ZDHHC14: variants seen among roughly 807,000 people sequenced by gnomAD.
ZDHHC14 encodes the protein palmitoyltransferase ZDHHC14.
Under a neutral mutation model 47.7 loss-of-function variants are expected in ZDHHC14, and 16 were observed. That is an observed-to-expected ratio of 0.34 (90% CI 0.23 to 0.51). The LOEUF is 0.51. Among genes scored for constraint, ZDHHC14 ranks in the 20% least tolerant of loss-of-function variants. The pLI is 0.97. For missense variants in ZDHHC14, 515 were observed against 662.5 expected (o/e 0.78, Z 2.44); for synonymous variants, 293 against 278.9 (o/e 1.05, Z -0.50).
chr6:157,623,420 A>T (rs1473808249), intron 3 of ZDHHC14, among the ~76,000 whole-genome samples: 1 of 151,952 alleles, frequency 6.6e-6, no homozygotes, highest in Non-Finnish European at 1.5e-5. Flanking sequence ...CACCATGATT[A>T]TAAGTTTCCT....
rs926030064 is a variant in ZDHHC14, at chr6:157,381,416, C to A, written c.-606C>A. On this transcript the variant is annotated 5_prime_UTR_variant, in exon 1 of 9. Coordinates refer to ENST00000359775, the MANE Select transcript of ZDHHC14 (RefSeq NM_024630.3). ...GCGCCCCGGCTCTCGCCGAGAGGCTCCTGACAGAAAAACGTGCGTGGTTGT... is the reference window on the plus strand; with the variant it reads ...GCGCCCCGGCTCTCGCCGAGAGGCTACTGACAGAAAAACGTGCGTGGTTGT... The A allele has an allele frequency of 9.4e-4, 229 of 244,312 alleles. No homozygotes were observed. The highest frequency in any genetic ancestry group is 5.0e-3 in the African/African-American group (215 of 42,594). 15.1% of individuals were successfully genotyped at this position (244,312 alleles called of 1,614,324 possible).
chr6:157,571,955 A>G (rs1783116532), intron 2 of ZDHHC14, among the ~76,000 whole-genome samples: 1 of 151,988 alleles, frequency 6.6e-6, no homozygotes, highest in Non-Finnish European at 1.5e-5. Context: ...ACGTGCATCC[A>G]AATCCAAATT....
intron 1 of ZDHHC14, among the ~76,000 whole-genome samples, chr6:157,451,487 T>G (rs969170359): frequency 6.6e-6 from 1 of 152,254 alleles, no homozygotes; most frequent in Non-Finnish European, 1.5e-5. Context: ...TAACATTTAT[T>G]TATTCAGTAA....
intron 2 of ZDHHC14, among the ~76,000 whole-genome samples, chr6:157,580,399 T>C (rs1159408965): frequency 6.6e-6 from 1 of 152,222 alleles, no homozygotes. Context: ...ATCAGGATGA[T>C]GCTGGCCTCA....
At chr6:157,428,572 C>T (rs1488754821) in intron 1 of ZDHHC14, among the ~76,000 whole-genome samples, 1 of 152,124 alleles carries the variant, frequency 6.6e-6, no homozygotes, top group Non-Finnish European at 1.5e-5. Context: ...CCTGTTACGC[C>T]TTGTGGAAGG....
In ZDHHC14 at chr6:157,660,592, G is replaced by A. The variant is rs193049474; in HGVS notation, c.1068+6965G>A. Among the ~76,000 whole-genome samples the A allele has an allele frequency of 2.4e-4, 37 of 152,222 alleles. No individual in the cohort carries two copies. In the East Asian group the frequency reaches 6.4e-3, roughly 26 times the overall value. ...CCTGGCCCTATGTCTAGGAGCTGAG[G>A]GATAATTTATTACAATCTGTCGCTC... On this transcript the variant is annotated intron_variant, in intron 8 of 8. Coordinates refer to ENST00000359775, the MANE Select transcript of ZDHHC14 (RefSeq NM_024630.3).
At chr6:157,560,111 A>T (rs183989796) in intron 2 of ZDHHC14, among the ~76,000 whole-genome samples, 1 of 152,360 alleles carries the variant, frequency 6.6e-6, no homozygotes, top group Non-Finnish European at 1.5e-5. Flanking sequence ...TGGCCAACTC[A>T]GCTCTAAAGC....
At chr6:157,531,622 T>TGCCAGGAA (rs1170181089) in intron 1 of ZDHHC14, among the ~76,000 whole-genome samples, 1 of 151,414 alleles carries the variant, frequency 6.6e-6, no homozygotes, top group Non-Finnish European at 1.5e-5. Context: ...GAATGTGAGC[T>TGCCAGGAA]GCCAGGAAGC....
At chr6:157,647,533 G>A (rs750877821) in intron 7 of ZDHHC14, among the ~76,000 whole-genome samples, 165 bp downstream of exon 7, 10 of 152,204 alleles carry the variant, frequency 6.6e-5, no homozygotes, top group African/African-American at 1.9e-4. Context: ...GCTGTTTGTC[G>A]TGTCACACTT....
At chr6:157,466,992 C>T in intron 1 of ZDHHC14, among the ~76,000 whole-genome samples, 1 of 152,124 alleles carries the variant, frequency 6.6e-6, no homozygotes, top group East Asian at 1.9e-4. Context: ...ACTGAAGGCT[C>T]CTACCCTTGT....
chr6:157,541,865 A>C (rs528882452), intron 1 of ZDHHC14, among the ~76,000 whole-genome samples: 1 of 152,360 alleles, frequency 6.6e-6, no homozygotes, highest in South Asian at 2.1e-4. Flanking sequence ...TCAGCATGTC[A>C]GACTGACAGC....
At chr6:157,593,358 CCAGCA>C (rs1783994495) in intron 3 of ZDHHC14, among the ~76,000 whole-genome samples, 1 of 152,222 alleles carries the variant, frequency 6.6e-6, no homozygotes, top group Non-Finnish European at 1.5e-5. Context: ...AGGGCCTCCC[CCAGCA>C]CAGGCACGAG....
chr6:157,458,538 T>G (rs1778983645), intron 1 of ZDHHC14, among the ~76,000 whole-genome samples: 1 of 152,180 alleles, frequency 6.6e-6, no homozygotes, highest in African/African-American at 2.4e-5. Flanking sequence ...ATTATCTAGT[T>G]AAAATGTTGG....
At chr6:157,534,716 G>A (rs1340046153) in intron 1 of ZDHHC14, among the ~76,000 whole-genome samples, 1 of 151,714 alleles carries the variant, frequency 6.6e-6, no homozygotes, top group African/African-American at 2.4e-5. Flanking sequence ...AGCCTCCCAA[G>A]TGGTTGGGAC....
At chr6:157,432,025 G>C (rs977895619) in intron 1 of ZDHHC14, among the ~76,000 whole-genome samples, 5 of 152,144 alleles carry the variant, frequency 3.3e-5, no homozygotes, top group Admixed American at 2.0e-4. Flanking sequence ...CATCATGCCA[G>C]ATCCCTTTGG....
chr6:157,583,497 T>C (rs1562491956), intron 2 of ZDHHC14, among the ~76,000 whole-genome samples: 1 of 152,142 alleles, frequency 6.6e-6, no homozygotes, highest in South Asian at 2.1e-4. Flanking sequence ...GTGTTTTTTT[T>C]TTTGTTGGTT....
At chr6:157,658,931 AT>A (rs1259061857) in intron 8 of ZDHHC14, among the ~76,000 whole-genome samples, 8 of 152,356 alleles carry the variant, frequency 5.3e-5, no homozygotes, top group African/African-American at 1.9e-4. Flanking sequence ...CAGGAAAGCC[AT>A]TTAGTCTTGA....
chr6:157,618,064 A>G (rs1785036414), intron 3 of ZDHHC14, among the ~76,000 whole-genome samples: 1 of 152,206 alleles, frequency 6.6e-6, no homozygotes, highest in Non-Finnish European at 1.5e-5. Context: ...TTTGTTTTTC[A>G]ATTTTGCAAG....
At chr6:157,610,643 G>A (rs1232349371) in intron 3 of ZDHHC14, among the ~76,000 whole-genome samples, 5 of 152,290 alleles carry the variant, frequency 3.3e-5, no homozygotes, top group South Asian at 2.1e-4. Flanking sequence ...CCCACAGAGC[G>A]GCCTTGGTCT....
Sources: allele counts gnomAD v4.1 joint callset (sites outside exome capture counted in the v4.1 genomes callset), GRCh38; gene constraint gnomAD v4.1.1; transcripts MANE v1.5; gene names NCBI Gene and HGNC (gene_info 2026-07-23, HGNC 2026-07-21).